Variants in NF1 observed in about 807,000 individuals in gnomAD.
NF1 encodes neurofibromin.
NF1 carries 122 observed loss-of-function variants against 325.7 expected under a neutral mutation model. The observed-to-expected ratio is 0.37, with a 90% CI of 0.32 to 0.44. NF1 has a LOEUF of 0.44. NF1 is among the 20% of genes least tolerant of loss of function. The probability of loss-of-function intolerance (pLI) is 1.00; values close to 1 mark genes in which losing one functional copy is unlikely to be tolerated. For missense variants in NF1, 2,140 were observed against 3,415.4 expected (o/e 0.63, Z 9.31); for synonymous variants, 1,091 against 1,186.0 (o/e 0.92, Z 1.65).
chr17:31,171,837 G>A (rs1030651612), intron 5 of NF1, among the ~76,000 whole-genome samples: 2 of 152,150 alleles, frequency 1.3e-5, no homozygotes, highest in Admixed American at 1.3e-4. Context: ...GCCATGCTAA[G>A]TGCTGGGATT....
At chr17:31,162,202 C>T (rs896580909) in intron 3 of NF1, among the ~76,000 whole-genome samples, 19 of 151,940 alleles carry the variant, frequency 1.3e-4, no homozygotes, top group South Asian at 2.1e-4. Context: ...ATGGGCCAGG[C>T]GTAGTGGCTC....
chr17:31,186,330 T>C (rs1268877894), intron 8 of NF1, among the ~76,000 whole-genome samples: 2 of 152,188 alleles, frequency 1.3e-5, no homozygotes, highest in Non-Finnish European at 1.5e-5. Flanking sequence ...CTGCACAATA[T>C]GCAGGCACCA....
intron 39 of NF1, among the ~76,000 whole-genome samples, chr17:31,333,166 A>G (rs900389119): frequency 6.6e-6 from 1 of 152,188 alleles, no homozygotes; most frequent in Non-Finnish European, 1.5e-5. Flanking sequence ...TTTAAGATCC[A>G]TTCCTGGTGG....
rs563988910 is a variant in NF1 at position 31,328,980 on chromosome 17, A to C, written c.5609+1141A>C. Among the ~76,000 whole-genome samples, 3 of 152,248 alleles carry C rather than the reference A, an allele frequency of 2.0e-5. No individual in the cohort carries two copies. In the East Asian group the frequency reaches 5.8e-4, roughly 29 times the overall value. On this transcript the variant is annotated intron_variant, in intron 38 of 57. Coordinates refer to ENST00000358273, the MANE Select transcript of NF1 (RefSeq NM_001042492.3). ...TACACAGGATAAAAGTTTTGTCAAAATTGTATAACTTAGAATTCCTGGGAA... is the reference window on the plus strand; with the variant it reads ...TACACAGGATAAAAGTTTTGTCAAACTTGTATAACTTAGAATTCCTGGGAA...
rs975925680 is a variant in NF1, at chr17:31,375,900, G to C, written c.*1745G>C. 3 of 232,750 alleles carry C rather than the reference G, an allele frequency of 1.3e-5. No individual in the cohort carries two copies. Among genetic ancestry groups the C allele is most frequent in the African/African-American group, 4.4e-5 (2 of 45,310 alleles). 14.4% of individuals were successfully genotyped at this position (232,750 alleles called of 1,614,324 possible). On this transcript the variant is annotated 3_prime_UTR_variant, in exon 58 of 58. Transcript: ENST00000358273. ...AAGTAAGAATTATTTGCCAAAATAA[G>C]AGGAAAGAAAACCTTAGTATTATTA...
At chr17:31,273,851 T>C (rs1173595847) in intron 36 of NF1, among the ~76,000 whole-genome samples, 1 of 152,212 alleles carries the variant, frequency 6.6e-6, no homozygotes, top group Non-Finnish European at 1.5e-5. Flanking sequence ...GCATTTGTTA[T>C]TCCTCTTACC....
In NF1 at chr17:31,226,440, T is replaced by C. The variant is rs750622783; in HGVS notation, c.2007T>C (p.Ser669=). The stretch of plus-strand genomic sequence containing the variant: ...CTTCCACCCTTGACTCTCAGGATAG[T>C]GCAGCAGGATGCAGCGGAACCCCCC... ...RKGKGNSSMD[S]AAGCSGTPPI... The change falls in exon 18 of 58, where the codon AGT becomes AGC. Residue 669 remains serine, a synonymous_variant. Transcript: ENST00000358273. 1 of 1,613,184 alleles carries C rather than the reference T, an allele frequency of 6.2e-7. No homozygotes were observed. Among genetic ancestry groups the C allele is most frequent in the Non-Finnish European group, 8.5e-7 (1 of 1,179,572 alleles).
intron 36 of NF1, among the ~76,000 whole-genome samples, chr17:31,275,699 C>T (rs968976478): frequency 6.6e-6 from 1 of 152,162 alleles, no homozygotes; most frequent in African/African-American, 2.4e-5. Context: ...TCTTCAAGCT[C>T]CACTCATGTC....
chr17:31,095,246 C>A lies in NF1; in HGVS notation c.-64C>A. On this transcript the variant is annotated 5_prime_UTR_variant, in exon 1 of 58. Coordinates refer to ENST00000358273, the MANE Select transcript of NF1 (RefSeq NM_001042492.3). Reference sequence around the variant, plus strand: ...CCTCACCTCAGCCTCCGCTCCCCGCCCTCTTCCCGGCCCAGGGCGCCGGCC... The same window carrying A: ...CCTCACCTCAGCCTCCGCTCCCCGCACTCTTCCCGGCCCAGGGCGCCGGCC... 1 of 1,472,646 alleles carries A rather than the reference C, an allele frequency of 6.8e-7. No individual in the cohort carries two copies. Among genetic ancestry groups the A allele is most frequent in the Non-Finnish European group, 9.2e-7 (1 of 1,090,864 alleles). The allele number at this position is 1,472,646 out of a possible 1,614,324, so 91.2% of individuals were successfully genotyped here.
chr17:31,172,732 G>C (rs1281734519), intron 5 of NF1, among the ~76,000 whole-genome samples: 4 of 152,154 alleles, frequency 2.6e-5, no homozygotes, highest in Non-Finnish European at 5.9e-5. Flanking sequence ...CTGCACTGTT[G>C]TGCTTATGAG....
At chr17:31,168,894 T>A (rs900950603) in intron 4 of NF1, among the ~76,000 whole-genome samples, 1 of 152,216 alleles carries the variant, frequency 6.6e-6, no homozygotes, top group Non-Finnish European at 1.5e-5. Context: ...ATTCATTCTT[T>A]ATTTTAAAAT....
chr17:31,321,681 C>T (rs1440227296), intron 36 of NF1: 1 of 151,434 alleles, frequency 6.6e-6, no homozygotes, highest in Non-Finnish European at 1.5e-5. Flanking sequence ...CATTTCCTTT[C>T]CACTGCAACT....
intron 1 of NF1, among the ~76,000 whole-genome samples, chr17:31,127,985 T>C (rs1417956021): frequency 6.6e-6 from 1 of 152,106 alleles, no homozygotes; most frequent in Non-Finnish European, 1.5e-5. Flanking sequence ...TTTGGTTTTG[T>C]TTTTGGAATG....
intron 34 of NF1, 143 bp downstream of exon 34, chr17:31,260,658 C>T: frequency 9.5e-7 from 1 of 1,054,292 alleles, no homozygotes; most frequent in Non-Finnish European, 1.4e-6. Flanking sequence ...TTCTTTTTTT[C>T]AAAAAAATAC....
At chr17:31,278,220 C>T (rs1423547189) in intron 36 of NF1, 3 of 152,074 alleles carry the variant, frequency 2.0e-5, no homozygotes, top group Admixed American at 6.6e-5. Context: ...TCTTCCCTCA[C>T]GTATTGATTC....
intron 36 of NF1, chr17:31,318,892 G>C: frequency 6.2e-7 from 1 of 1,614,070 alleles, no homozygotes; most frequent in Non-Finnish European, 8.5e-7. Flanking sequence ...ATCCCAGGAA[G>C]AAGTACTGTT....
chr17:31,117,357 T>C (rs1914020356), intron 1 of NF1, among the ~76,000 whole-genome samples: 1 of 151,918 alleles, frequency 6.6e-6, no homozygotes, highest in Non-Finnish European at 1.5e-5. Context: ...CTTTTTTCAC[T>C]GTTACATTCT....
chr17:31,266,620 G>A (rs931382129), intron 36 of NF1, among the ~76,000 whole-genome samples: 3 of 151,978 alleles, frequency 2.0e-5, no homozygotes, highest in Non-Finnish European at 2.9e-5. Flanking sequence ...TTACTTTTCC[G>A]TTGTTGTCTA....
intron 36 of NF1, among the ~76,000 whole-genome samples, chr17:31,267,442 TTTAGTTTC>T (rs1420448810): frequency 1.3e-5 from 2 of 152,158 alleles, no homozygotes; most frequent in East Asian, 3.8e-4. Flanking sequence ...TTTCAATCCT[TTTAGTTTC>T]TTACTTAGAC....
Sources: allele counts gnomAD v4.1 joint callset (sites outside exome capture counted in the v4.1 genomes callset), GRCh38; gene constraint gnomAD v4.1.1; transcripts MANE v1.5; gene names NCBI Gene and HGNC (gene_info 2026-07-23, HGNC 2026-07-21).